Variants in MYBPC2 observed in about 807,000 individuals in gnomAD.
The protein encoded by MYBPC2 is myosin binding protein C2, also known as myosin-binding protein C, fast-type.
A neutral mutation model predicts 137.0 loss-of-function variants in MYBPC2; 122 were observed. The observed-to-expected ratio is 0.89, with a 90% CI of 0.77 to 1.03. The LOEUF (loss-of-function observed/expected upper bound fraction) is 1.03. Among genes scored for constraint, MYBPC2 ranks in the 50% least tolerant of loss-of-function variants. The pLI, the probability that MYBPC2 is intolerant of heterozygous loss-of-function variation, is 0.00. For synonymous variants in MYBPC2, 626 were observed against 612.3 expected, an observed-to-expected ratio of 1.02 and a Z score of -0.33; for missense variants, 1,500 against 1,534.4, an observed-to-expected ratio of 0.98 and a Z score of 0.37.
chr19:50,436,460 G>A (rs911904533), intron 4 of MYBPC2, among the ~76,000 whole-genome samples, 157 bp from the exon 5 acceptor site: 5 of 152,208 alleles, frequency 3.3e-5, no homozygotes, highest in Non-Finnish European at 5.9e-5. Flanking sequence ...AGGAGACAGA[G>A]CTGGCCACCA....
rs545793457 is a variant in MYBPC2 at position 50,439,444 on chromosome 19, C to T, written c.573-1436C>T. ...CATCTATCCTCTCTTTGTTCCTTTC[C>T]CTTCCTTCCTTCCCTCCCAAGCTCC... On this transcript the variant is annotated intron_variant, in intron 7 of 27. Transcript: ENST00000357701. 1.5e-3 allele frequency among the ~76,000 whole-genome samples: 230 copies of T among 152,134 alleles called. 1 individual carries two copies. Among genetic ancestry groups the T allele is most frequent in the African/African-American group, 5.3e-3 (221 of 41,492 alleles).
Position 50,435,975 on chromosome 19 carries a change from C to T in MYBPC2, c.197-37C>T, listed in dbSNP as rs767432558. 1 of 1,558,040 alleles carries T rather than the reference C, an allele frequency of 6.4e-7. No individual in the cohort carries two copies. Among genetic ancestry groups the T allele is most frequent in the South Asian group, 1.2e-5 (1 of 84,388 alleles). On this transcript the variant is annotated intron_variant, in intron 3 of 27. Transcript: ENST00000357701. This position sits in a 1 kb window ranked among gnomAD's most constrained non-coding sequence, Gnocchi z 4.8. ...GGAGAGCCTTATGTTCCTTCCTGGG[C>T]CTCCTCCCACTCTACCCTGTCACTC... is the stretch of plus-strand genomic sequence containing the variant.
chr19:50,440,531 C>T (rs1290399611), intron 7 of MYBPC2, among the ~76,000 whole-genome samples: 3 of 151,504 alleles, frequency 2.0e-5, no homozygotes, highest in Non-Finnish European at 4.4e-5. Context: ...GGGGTGGTGG[C>T]GTGAGCCTGT....
At chr19:50,463,659 C>T (rs2039989512) in intron 26 of MYBPC2, among the ~76,000 whole-genome samples, 1 of 152,122 alleles carries the variant, frequency 6.6e-6, no homozygotes, top group African/African-American at 2.4e-5. Flanking sequence ...AAGGGCTGGG[C>T]CAGACACGGT....
chr19:50,464,574 G>A (rs772494445), intron 27 of MYBPC2, 42 bp downstream of exon 27: 55 of 1,552,072 alleles, frequency 3.5e-5, no homozygotes, highest in South Asian at 9.7e-5. Context: ...ACCCTTGCTC[G>A]GGCCCTGTGC....
At chr19:50,436,868 A>C in intron 5 of MYBPC2, 134 bp downstream of exon 5, 1 of 745,532 alleles carries the variant, frequency 1.3e-6, no homozygotes, top group Non-Finnish European at 2.2e-6. Flanking sequence ...GGGAGTGCAG[A>C]TTCTGGGGTC....
At position 50,464,354 on chromosome 19, in the gene MYBPC2, G is replaced by A; in HGVS notation, c.3237G>A (p.Val1079=). ...CAVRGHPKPK[V]VWMKNKMEIR... The stretch of plus-strand genomic sequence containing the variant: ...CCCTTGACTCTCAACAGCCGAAGGT[G>A]GTCTGGATGAAGAACAAGATGGAAA... Residue 1079 remains valine (V), a synonymous_variant, in exon 27 of 28, where the codon GTG becomes GTA. Coordinates refer to ENST00000357701, the MANE Select transcript of MYBPC2 (RefSeq NM_004533.4). 6.2e-7 allele frequency: 1 copy of A among 1,606,172 alleles called. No individual in the cohort carries two copies. The highest frequency in any genetic ancestry group is 8.5e-7 in the Non-Finnish European group (1 of 1,176,556).
At position 50,435,181 on chromosome 19, in the gene MYBPC2, G is replaced by A. The variant is rs766070785; in HGVS notation, c.40G>A (p.Gly14Ser). The change falls in exon 2 of 28, where the codon GGC becomes AGC. Residue 14 changes from glycine to serine, a missense_variant. Transcript: ENST00000357701. The surrounding 1 kb of genome is among the most constrained non-coding windows in gnomAD (Gnocchi z 4.8). ...AKPAAKKAPK[G>S]KDAPKGAPKE... is the part of the protein sequence containing the mutation. Reference sequence around the variant, plus strand: ...TACAGCGGCCAAAAAGGCCCCCAAAGGCAAAGATGCCCCCAAAGGAGCCCC... The same window carrying A: ...TACAGCGGCCAAAAAGGCCCCCAAAAGCAAAGATGCCCCCAAAGGAGCCCC... The A allele has an allele frequency of 3.6e-5, 50 of 1,371,538 alleles. 1 individual carries two copies. The South Asian group carries it at 5.6e-4, about 15-fold the overall frequency. 85.0% of individuals were successfully genotyped at this position (1,371,538 alleles called of 1,614,324 possible).
chr19:50,443,273 T>C (rs2039772187), intron 9 of MYBPC2, among the ~76,000 whole-genome samples: 1 of 151,888 alleles, frequency 6.6e-6, no homozygotes, highest in South Asian at 2.1e-4. Flanking sequence ...CAGTGAGCTG[T>C]GATCGCACCA....
chr19:50,451,805 G>A (rs1433919413), intron 15 of MYBPC2, 59 bp from the exon 16 acceptor site: 3 of 1,555,052 alleles, frequency 1.9e-6, no homozygotes, highest in Non-Finnish European at 2.6e-6. Flanking sequence ...TCTCTTGTGG[G>A]AACTGGGAAG....
In MYBPC2 at chr19:50,460,044, G is replaced by A. The variant is rs2039957291; in HGVS notation, c.2796G>A (p.Lys932=). The A allele has an allele frequency of 1.3e-6, 2 of 1,552,534 alleles. No homozygotes were observed. Among genetic ancestry groups the A allele is most frequent in the East Asian group, 4.9e-5 (2 of 40,976 alleles). Residue 932 remains lysine (K), a synonymous_variant, in exon 24 of 28, where the codon AAG becomes AAA. Transcript: ENST00000357701. ...GTCACACTTCCCCATTTCCAGAAAAGGCTGGGCCCCCCATAAACGTGATGG... is the reference window on the plus strand; with the variant it reads ...GTCACACTTCCCCATTTCCAGAAAAAGCTGGGCCCCCCATAAACGTGATGG... ...TATIRIRVVE[K]AGPPINVMVK...
Position 50,464,522 on chromosome 19 carries a change from G to A in MYBPC2, c.3405G>A (p.Leu1135=). The change falls in exon 27 of 28, where the codon CTG becomes CTA. Residue 1135 remains leucine, a synonymous_variant. Coordinates refer to ENST00000357701, the MANE Select transcript of MYBPC2 (RefSeq NM_004533.4). ...GCGAGGCGCTGGCTGAGTGCAAGCTGGAGGTCCGAGGTGAGGGCGTGGCCA... is the reference window on the plus strand; with the variant it reads ...GCGAGGCGCTGGCTGAGTGCAAGCTAGAGGTCCGAGGTGAGGGCGTGGCCA... ...ELGEALAECK[L]EVRVPQ 6.2e-7 allele frequency: 1 copy of A among 1,607,512 alleles called. No homozygotes were observed. The highest frequency in any genetic ancestry group is 8.5e-7 in the Non-Finnish European group (1 of 1,177,502).
At position 50,442,343 on chromosome 19, in the gene MYBPC2, G is replaced by A. The variant is rs777807761; in HGVS notation, c.902+30G>A. 58 of 1,601,096 alleles carry A rather than the reference G, an allele frequency of 3.6e-5. No individual in the cohort carries two copies. The South Asian group carries it at 3.7e-4, about 10-fold the overall frequency. ...GTGTGGGGTGGGCAGTCCCTGCACC[G>A]GGGAGATCCCCGTCCAGAGAGAACG... On this transcript the variant is annotated intron_variant, in intron 9 of 27. Coordinates refer to ENST00000357701, the MANE Select transcript of MYBPC2 (RefSeq NM_004533.4).
At position 50,464,438 on chromosome 19, in the gene MYBPC2, C is replaced by T. The variant is rs745862911; in HGVS notation, c.3321C>T (p.Ile1107=). 6.2e-7 allele frequency: 1 copy of T among 1,611,736 alleles called. No individual in the cohort carries two copies. The highest frequency in any genetic ancestry group is 8.5e-7 in the Non-Finnish European group (1 of 1,179,196). Residue 1107 remains isoleucine (I), a synonymous_variant, in exon 27 of 28, where the codon ATC becomes ATT. Transcript: ENST00000357701. ...ACCAAGGAGTCCTGACGCTGAACAT[C>T]CGTCGCCCCTCGCCCTTCGACGCTG... is the stretch of plus-strand genomic sequence containing the variant. ...TNYQGVLTLN[I]RRPSPFDAGT... is the part of the protein sequence containing the mutation.
rs775129408 is a variant in MYBPC2 at position 50,459,245 on chromosome 19, C to A, written c.2730C>A (p.Tyr910Ter). ...RQAARSDSGEYELSVQIENMK... is the reference protein window; with the variant it reads ...RQAARSDSGE ...CGGCCCGCTCCGACTCCGGGGAGTA[C>A]GAGCTGAGCGTGCAGATCGAGAACA... Residue 910 changes from tyrosine (Y) to a stop codon, truncating the protein, a stop_gained, in exon 23 of 28, where the codon TAC becomes TAA. Coordinates refer to ENST00000357701, the MANE Select transcript of MYBPC2 (RefSeq NM_004533.4). LOFTEE classifies it high-confidence loss of function. 2 of 1,611,302 alleles carry A rather than the reference C, an allele frequency of 1.2e-6. No individual in the cohort carries two copies. The highest frequency in any genetic ancestry group is 4.5e-5 in the East Asian group (2 of 44,710).
In MYBPC2 at chr19:50,465,342, C is replaced by A. The variant is rs1456675613; in HGVS notation, c.3415+810C>A. On this transcript the variant is annotated intron_variant, in intron 27 of 27. Transcript: ENST00000357701. The surrounding 1 kb of genome is among the most constrained non-coding windows in gnomAD (Gnocchi z 4.5). ...CTCTTCCTGGAACACAATTCCCCCG[C>A]TCCTTTACCCTGGGCTCCGGCCCAT... Among the ~76,000 whole-genome samples, 2 of 152,238 alleles carry A rather than the reference C, an allele frequency of 1.3e-5. No individual in the cohort carries two copies. Among genetic ancestry groups the A allele is most frequent in the Non-Finnish European group, 2.9e-5 (2 of 68,044 alleles).
At position 50,456,309 on chromosome 19, in the gene MYBPC2, CATCCATCTGTCCATCCATCCATCCGTCT is replaced by C. The variant is rs1401018916; in HGVS notation, c.2338+666_2338+693del. Among the ~76,000 whole-genome samples, 6 of 151,592 alleles carry C rather than the reference CATCCATCTGTCCATCCATCCATCCGTCT, an allele frequency of 4.0e-5. No homozygotes were observed. In the East Asian group the frequency reaches 1.2e-3, roughly 29 times the overall value. ...CCTGTCCATCATCCATCCATCCATC[CATCCATCTGTCCATCCATCCATCCGTCT>C]GTCCATCCATCTGTCCATCCATCCA... On this transcript the variant is annotated intron_variant, in intron 20 of 27. Coordinates refer to ENST00000357701, the MANE Select transcript of MYBPC2 (RefSeq NM_004533.4).
chr19:50,454,495 G>C, intron 18 of MYBPC2, 126 bp downstream of exon 18: 1 of 796,138 alleles, frequency 1.3e-6, no homozygotes, highest in Non-Finnish European at 1.9e-6. Context: ...GCTCAATCTC[G>C]GCTCACTGCA....
In MYBPC2 at chr19:50,435,907, G is replaced by A. The variant is rs1469886536; in HGVS notation, c.196+45G>A. The A allele has an allele frequency of 1.9e-6, 3 of 1,551,680 alleles. No individual in the cohort carries two copies. The highest frequency in any genetic ancestry group is 2.7e-5 in the African/African-American group (2 of 73,210). On this transcript the variant is annotated intron_variant, in intron 3 of 27. Transcript: ENST00000357701. The surrounding 1 kb of genome is among the most constrained non-coding windows in gnomAD (Gnocchi z 4.8). ...GGAGGGGCTGCGGCCCGGACTCCTG[G>A]GTCTGAGGGAGGAGGGGCCAGGGTC...
Sources: allele counts gnomAD v4.1 joint callset (sites outside exome capture counted in the v4.1 genomes callset), GRCh38; gene constraint gnomAD v4.1.1; non-coding constraint Gnocchi (gnomAD v3.1); transcripts MANE v1.5; gene names NCBI Gene and HGNC (gene_info 2026-07-23, HGNC 2026-07-21).